DSG3: variants seen among roughly 807,000 people sequenced by gnomAD.
The protein encoded by DSG3 is desmoglein 3, also known as desmoglein-3.
A neutral mutation model predicts 85.9 loss-of-function variants in DSG3; 63 were observed. That is an observed-to-expected ratio of 0.73 (90% CI 0.60 to 0.90). DSG3 has a LOEUF of 0.90. Among genes scored for constraint, DSG3 ranks in the 40% least tolerant of loss-of-function variants. DSG3 has a pLI of 0.00. For synonymous variants in DSG3, 447 were observed against 441.9 expected (o/e 1.01, Z -0.14); for missense variants, 1,220 against 1,219.9 (o/e 1.00, Z 0.00).
intron 15 of DSG3, 146 bp from the exon 16 acceptor site, chr18:31,475,500 C>G (rs1405181665): frequency 9.8e-7 from 1 of 1,016,786 alleles, no homozygotes; most frequent in African/African-American, 1.6e-5. Context: ...ATGTTTTGAA[C>G]AAGATTGTTA....
chr18:31,453,236 T>C (rs2072721860), intron 1 of DSG3, among the ~76,000 whole-genome samples: 1 of 152,180 alleles, frequency 6.6e-6, no homozygotes, highest in East Asian at 1.9e-4. Context: ...TTTGGACTGA[T>C]TTATTTGAAT....
chr18:31,454,203 T>A (rs192331597), intron 1 of DSG3, among the ~76,000 whole-genome samples: 1 of 152,308 alleles, frequency 6.6e-6, no homozygotes, highest in East Asian at 1.9e-4. Context: ...AGTCCAAGCA[T>A]GATTCATATT....
At chr18:31,468,556 C>T (rs2072836040) in intron 11 of DSG3, among the ~76,000 whole-genome samples, 1 of 152,124 alleles carries the variant, frequency 6.6e-6, no homozygotes. Context: ...CCACTTGAAC[C>T]CATTATAGCC....
chr18:31,459,213 T>A, intron 5 of DSG3, 36 bp downstream of exon 5: 1 of 1,577,604 alleles, frequency 6.3e-7, no homozygotes, highest in Non-Finnish European at 8.6e-7. Context: ...TTTCAGTTTA[T>A]CTACTTTCAA....
In DSG3 at chr18:31,466,616, G is replaced by A; in HGVS notation, c.1498G>A (p.Asp500Asn). ...DNCPTAVLEK[D>N]AVCSSSPSVV... ...TTGTCCAACAGCTGTCCTCGAAAAA[G>A]ATGCAGTTTGCAGTTCTTCACCTTC... Residue 500 changes from aspartate to asparagine, a missense_variant, in exon 11 of 16, where the codon GAT becomes AAT. Coordinates refer to ENST00000257189, the MANE Select transcript of DSG3 (RefSeq NM_001944.3). 1 of 1,614,220 alleles carries A rather than the reference G, an allele frequency of 6.2e-7. No homozygotes were observed. The highest frequency in any genetic ancestry group is 8.5e-7 in the Non-Finnish European group (1 of 1,180,042).
Position 31,476,302 on chromosome 18 carries a change from TTGGACTAAAG to T in DSG3, c.*44_*53del. 6.4e-7 allele frequency: 1 copy of T among 1,557,942 alleles called. No homozygotes were observed. Among genetic ancestry groups the T allele is most frequent in the South Asian group, 1.2e-5 (1 of 80,460 alleles). On this transcript the variant is annotated 3_prime_UTR_variant, in exon 16 of 16. Coordinates refer to ENST00000257189, the MANE Select transcript of DSG3 (RefSeq NM_001944.3). ...TACCACACTGACCAAATCTGGATCT[TTGGACTAAAG>T]TATTCAAAATAGCATAGCAAAGCTC...
rs112918971 is a variant in DSG3, at chr18:31,459,756, G to A, written c.518-89G>A. The A allele has an allele frequency of 5.5e-4, 699 of 1,261,802 alleles. 3 individuals are homozygous for A. The African/African-American group carries it at 6.9e-3, about 12-fold the overall frequency. 78.2% of individuals were successfully genotyped at this position (1,261,802 alleles called of 1,614,324 possible). On this transcript the variant is annotated intron_variant, in intron 5 of 15. Coordinates refer to ENST00000257189, the MANE Select transcript of DSG3 (RefSeq NM_001944.3). Reference sequence around the variant, plus strand: ...ATGATTTTAGGATATTTAAAAATTAGCATCAATGTGAACTTGTTTGGAATA... The same window carrying A: ...ATGATTTTAGGATATTTAAAAATTAACATCAATGTGAACTTGTTTGGAATA...
chr18:31,458,331 A>G, intron 3 of DSG3, 114 bp from the exon 4 acceptor site: 1 of 1,164,276 alleles, frequency 8.6e-7, no homozygotes, highest in East Asian at 2.4e-5. Context: ...AAATGGCACA[A>G]TGTCAAAAAG....
At position 31,458,510 on chromosome 18, in the gene DSG3, G is replaced by T. The variant is rs773610149; in HGVS notation, c.282G>T (p.Gln94His). The T allele has an allele frequency of 1.2e-6, 2 of 1,613,962 alleles. No homozygotes were observed. The highest frequency in any genetic ancestry group is 2.7e-5 in the African/African-American group (2 of 74,906). ...TYRISGVGID[Q>H]PPFGIFVVDK... ...GAATCTCTGGAGTGGGAATCGATCA[G>T]CCGCCTTTTGGAATCTTTGTTGTTG... is the stretch of plus-strand genomic sequence containing the variant. Residue 94 changes from glutamine to histidine, a missense_variant, in exon 4 of 16, where the codon CAG becomes CAT. Transcript: ENST00000257189.
intron 1 of DSG3, among the ~76,000 whole-genome samples, chr18:31,451,822 A>G (rs1365116838): frequency 6.6e-6 from 1 of 152,202 alleles, no homozygotes; most frequent in East Asian, 1.9e-4. Context: ...TAGAACACTC[A>G]GTGCTCATGA....
chr18:31,464,045 A>G (rs1363197507), intron 8 of DSG3, 66 bp from the exon 9 acceptor site: 34 of 1,458,326 alleles, frequency 2.3e-5, no homozygotes, highest in Non-Finnish European at 3.0e-5. Context: ...GTGTGCTGTC[A>G]TCATCTACTG....
Position 31,472,338 on chromosome 18 carries a change from T to A in DSG3, c.1952T>A (p.Val651Glu). ...CDCGAGSTGG[V>E]TGGFIPVPDG... ...TGTGGGGCAGGTTCTACTGGGGGAG[T>A]GACAGGTGGTTTTATCCCAGTTCCT... The change falls in exon 13 of 16, where the codon GTG becomes GAG. Residue 651 changes from valine (V) to glutamate (E), a missense_variant. Physicochemically the swap from Val to Glu is moderately radical, Grantham distance 121. Coordinates refer to ENST00000257189, the MANE Select transcript of DSG3 (RefSeq NM_001944.3). The A allele has an allele frequency of 6.2e-7, 1 of 1,613,950 alleles. No homozygotes were observed. The highest frequency in any genetic ancestry group is 8.5e-7 in the Non-Finnish European group (1 of 1,179,974).
intron 5 of DSG3, 117 bp downstream of exon 5, chr18:31,459,294 A>C: frequency 9.8e-7 from 1 of 1,020,796 alleles, no homozygotes; most frequent in Non-Finnish European, 1.4e-6. Flanking sequence ...GTAGTTTTGA[A>C]AAATAAAATT....
rs187109415 is a variant in DSG3 at position 31,457,146 on chromosome 18, G to A, written c.216+22G>A. On this transcript the variant is annotated intron_variant, in intron 3 of 15. Transcript: ENST00000257189. ...CAAGGTAAGTTATATCAACAGGAGC[G>A]TATGAGTTTTTAGAATAAATGTATA... The A allele has an allele frequency of 3.0e-4, 483 of 1,592,196 alleles. 9 individuals are homozygous for A. The South Asian group carries it at 3.8e-3, about 13-fold the overall frequency.
intron 3 of DSG3, among the ~76,000 whole-genome samples, chr18:31,458,019 C>T (rs1488178651): frequency 1.3e-5 from 2 of 152,044 alleles, no homozygotes; most frequent in African/African-American, 2.4e-5. Flanking sequence ...TATTTTAATA[C>T]ATATTTTAAC....
chr18:31,451,257 A>T (rs2072710127), intron 1 of DSG3, among the ~76,000 whole-genome samples: 1 of 152,240 alleles, frequency 6.6e-6, no homozygotes. Context: ...AATCCGAAAC[A>T]GTTTGTCATC....
At position 31,457,077 on chromosome 18, in the gene DSG3, C is replaced by T; in HGVS notation, c.169C>T (p.Pro57Ser). The change falls in exon 3 of 16, where the codon CCC (proline) becomes TCC (serine). Residue 57 changes from proline to serine, a missense_variant. Coordinates refer to ENST00000257189, the MANE Select transcript of DSG3 (RefSeq NM_001944.3). ...ACGTGAATGGGTGAAATTTGCCAAA[C>T]CCTGCAGAGAAGGAGAAGATAACTC... ...QKREWVKFAK[P>S]CREGEDNSKR... The T allele has an allele frequency of 6.2e-7, 1 of 1,612,928 alleles. No individual in the cohort carries two copies. The highest frequency in any genetic ancestry group is 8.5e-7 in the Non-Finnish European group (1 of 1,179,510).
chr18:31,458,960 C>G, intron 4 of DSG3, 73 bp from the exon 5 acceptor site: 1 of 1,529,714 alleles, frequency 6.5e-7, no homozygotes, highest in Non-Finnish European at 8.9e-7. Context: ...CAACAGAGGC[C>G]TTATTTATAC....
In DSG3 at chr18:31,459,866, A is replaced by G; in HGVS notation, c.539A>G (p.Asn180Ser). The change falls in exon 6 of 16, where the codon AAT becomes AGT. Residue 180 changes from asparagine to serine, a missense_variant. Coordinates refer to ENST00000257189, the MANE Select transcript of DSG3 (RefSeq NM_001944.3). ...SASNSLVMIL[N>S]ATDADEPNHL... ...CTAGACTCACTGGTGATGATACTAA[A>G]TGCCACAGATGCAGATGAACCAAAC... 1 of 1,614,028 alleles carries G rather than the reference A, an allele frequency of 6.2e-7. No homozygotes were observed. Among genetic ancestry groups the G allele is most frequent in the Non-Finnish European group, 8.5e-7 (1 of 1,179,936 alleles).
Sources: allele counts gnomAD v4.1 joint callset (sites outside exome capture counted in the v4.1 genomes callset), GRCh38; gene constraint gnomAD v4.1.1; transcripts MANE v1.5; gene names NCBI Gene and HGNC (gene_info 2026-07-23, HGNC 2026-07-21).